Variants in TSPAN12 observed in about 807,000 individuals in gnomAD.
The protein encoded by TSPAN12 is tetraspanin 12.
Under a neutral mutation model 39.2 loss-of-function variants are expected in TSPAN12, and 19 were observed. The observed-to-expected ratio is 0.49, with a 90% CI of 0.34 to 0.71. TSPAN12 has a LOEUF of 0.71. Ranked by LOEUF, TSPAN12 falls within the 30% of genes least tolerant of loss-of-function variation. The pLI is 0.01. For missense variants in TSPAN12, 314 were observed against 359.9 expected, an observed-to-expected ratio of 0.87 and a Z score of 1.03; for synonymous variants, 119 against 124.8, an observed-to-expected ratio of 0.95 and a Z score of 0.31.
chr7:120,838,815 A>G lies in TSPAN12; in HGVS notation c.247T>C (p.Cys83Arg). Residue 83 changes from cysteine to arginine, a missense_variant, in exon 4 of 8, where the codon TGT (cysteine) becomes CGT (arginine). Cys to Arg is a radical substitution (Grantham distance 180). Coordinates refer to ENST00000222747, the MANE Select transcript of TSPAN12 (RefSeq NM_012338.4). ...FLIIVGMLGY[C>R]GTVKRNLLLL... Reference sequence around the variant, plus strand: ...AACAGATTTCTTTTCACCGTTCCACAATATCCTAACATCCCCACAATGATA... The same window carrying G: ...AACAGATTTCTTTTCACCGTTCCACGATATCCTAACATCCCCACAATGATA... The G allele has an allele frequency of 6.2e-7, 1 of 1,614,078 alleles. No homozygotes were observed. Among genetic ancestry groups the G allele is most frequent in the Non-Finnish European group, 8.5e-7 (1 of 1,179,944 alleles).
chr7:120,814,260 C>T (rs1794038437), intron 5 of TSPAN12: 1 of 456,536 alleles, frequency 2.2e-6, no homozygotes, highest in African/African-American at 2.0e-5. Context: ...GAAACAAAGA[C>T]AATATAATCT....
At chr7:120,854,323 T>G (rs1345805488) in intron 2 of TSPAN12, among the ~76,000 whole-genome samples, 5 of 152,204 alleles carry the variant, frequency 3.3e-5, no homozygotes, top group Admixed American at 3.3e-4. Context: ...ACAATTACTA[T>G]GATTAGTACC....
intron 7 of TSPAN12, among the ~76,000 whole-genome samples, chr7:120,792,575 T>C (rs992825880): frequency 2.6e-5 from 4 of 152,170 alleles, no homozygotes; most frequent in Non-Finnish European, 4.4e-5. Context: ...CTGGCTGACC[T>C]TGAAGCTCTG....
intron 4 of TSPAN12, among the ~76,000 whole-genome samples, chr7:120,824,819 GTCAA>G (rs1794254219): frequency 6.6e-6 from 1 of 152,038 alleles, no homozygotes; most frequent in Non-Finnish European, 1.5e-5. Flanking sequence ...CTCTAACAAA[GTCAA>G]TCAATTTATT....
chr7:120,809,112 A>G (rs1301263735), intron 6 of TSPAN12, among the ~76,000 whole-genome samples: 1 of 152,052 alleles, frequency 6.6e-6, no homozygotes, highest in Non-Finnish European at 1.5e-5. Flanking sequence ...AGTCTTCACC[A>G]TCTCCATTTA....
intron 4 of TSPAN12, among the ~76,000 whole-genome samples, chr7:120,817,374 G>C (rs960526287): frequency 6.7e-6 from 1 of 148,286 alleles, no homozygotes; most frequent in Non-Finnish European, 1.5e-5. Flanking sequence ...CGGGGACAGA[G>C]AGAGAACCTG....
At chr7:120,825,882 C>T (rs956617303) in intron 4 of TSPAN12, among the ~76,000 whole-genome samples, 2 of 152,130 alleles carry the variant, frequency 1.3e-5, no homozygotes, top group African/African-American at 4.8e-5. Flanking sequence ...GTCAATCATT[C>T]ACCACGTCAA....
intron 7 of TSPAN12, among the ~76,000 whole-genome samples, chr7:120,796,587 G>T (rs543112762): frequency 7.9e-5 from 12 of 152,130 alleles, no homozygotes; most frequent in African/African-American, 2.7e-4. Flanking sequence ...TAAGGGAATT[G>T]GGATGTAGAA....
intron 4 of TSPAN12, among the ~76,000 whole-genome samples, chr7:120,828,039 A>T (rs1794322512): frequency 6.6e-6 from 1 of 152,240 alleles, no homozygotes; most frequent in South Asian, 2.1e-4. Context: ...AATTTTACTT[A>T]TAATGACATC....
At chr7:120,820,334 A>G (rs954663485) in intron 4 of TSPAN12, among the ~76,000 whole-genome samples, 4 of 152,134 alleles carry the variant, frequency 2.6e-5, no homozygotes, top group African/African-American at 9.7e-5. Flanking sequence ...CCCCTTTTAC[A>G]GTTGCCATCA....
At chr7:120,831,914 A>C (rs1334233066) in intron 4 of TSPAN12, among the ~76,000 whole-genome samples, 2 of 152,074 alleles carry the variant, frequency 1.3e-5, no homozygotes, top group African/African-American at 4.8e-5. Flanking sequence ...GAAACATCAA[A>C]TTGTACCCCA....
intron 4 of TSPAN12, among the ~76,000 whole-genome samples, chr7:120,826,444 T>C (rs1350053640): frequency 6.6e-6 from 1 of 152,180 alleles, no homozygotes; most frequent in Non-Finnish European, 1.5e-5. Flanking sequence ...CAGCCCTATC[T>C]CAAAAGATTT....
chr7:120,849,635 TTGTC>T (rs1794734089), intron 2 of TSPAN12, among the ~76,000 whole-genome samples: 1 of 152,236 alleles, frequency 6.6e-6, no homozygotes. Context: ...AGTTACAGCT[TTGTC>T]TGTATAGAAA....
At chr7:120,799,570 T>TA (rs1317423580) in intron 7 of TSPAN12, among the ~76,000 whole-genome samples, 23 of 107,874 alleles carry the variant, frequency 2.1e-4, no homozygotes, top group African/African-American at 8.1e-4. Context: ...ATATAATTAT[T>TA]TATATAATTA....
intron 4 of TSPAN12, among the ~76,000 whole-genome samples, chr7:120,828,351 T>C (rs747596566): frequency 1.3e-5 from 2 of 152,154 alleles, no homozygotes; most frequent in Non-Finnish European, 2.9e-5. Context: ...AGAGTATGCA[T>C]GACATTCAAT....
intron 5 of TSPAN12, among the ~76,000 whole-genome samples, chr7:120,813,376 G>A (rs1794019366): frequency 6.6e-6 from 1 of 152,180 alleles, no homozygotes; most frequent in Non-Finnish European, 1.5e-5. Flanking sequence ...ATGGCAGTGG[G>A]CACCTATTTA....
chr7:120,811,443 C>A (rs959265232), intron 5 of TSPAN12, among the ~76,000 whole-genome samples: 1 of 151,890 alleles, frequency 6.6e-6, no homozygotes. Context: ...CCAAGACGGG[C>A]GGATCACGAG....
At chr7:120,802,221 G>C (rs1167205851) in intron 7 of TSPAN12, among the ~76,000 whole-genome samples, 1 of 152,194 alleles carries the variant, frequency 6.6e-6, no homozygotes, top group African/African-American at 2.4e-5. Context: ...TTTAGAGTGT[G>C]GTTACACAGG....
rs1410585856 is a variant in TSPAN12, at chr7:120,841,617, T to TTA, written c.67-1510_67-1509dup. Among the ~76,000 whole-genome samples the TTA allele has an allele frequency of 7.5e-3, 491 of 65,426 alleles. 1 individual carries two copies. Among genetic ancestry groups the TTA allele is most frequent in the African/African-American group, 0.029 (472 of 16,412 alleles). The allele number at this position is 65,426 out of a possible 152,430, so 42.9% of individuals were successfully genotyped here. ...ATATTAAGAAACTACTTTGATTATT[T>TTA]TAGGTATGAGAATATATTATTTTTT... On this transcript the variant is annotated intron_variant, in intron 2 of 7. Coordinates refer to ENST00000222747, the MANE Select transcript of TSPAN12 (RefSeq NM_012338.4).
Sources: allele counts gnomAD v4.1 joint callset (sites outside exome capture counted in the v4.1 genomes callset), GRCh38; gene constraint gnomAD v4.1.1; transcripts MANE v1.5; gene names NCBI Gene and HGNC (gene_info 2026-07-23, HGNC 2026-07-21).